PROSER3: variants seen among roughly 807,000 people sequenced by gnomAD.
PROSER3 encodes the protein proline and serine-rich protein 3.
Under a neutral mutation model 50.2 loss-of-function variants are expected in PROSER3, and 33 were observed. That is an observed-to-expected ratio of 0.66 (90% CI 0.50 to 0.88). The LOEUF is 0.88. Among genes scored for constraint, PROSER3 ranks in the 40% least tolerant of loss-of-function variants. PROSER3 has a pLI of 0.00. For missense variants in PROSER3, 623 were observed against 612.7 expected, an observed-to-expected ratio of 1.02 and a Z score of -0.18; for synonymous variants, 266 against 259.3, an observed-to-expected ratio of 1.03 and a Z score of -0.25.
chr19:35,758,522 G>C, intron 1 of PROSER3: 1 of 376,026 alleles, frequency 2.7e-6, no homozygotes, highest in Non-Finnish European at 4.7e-6. Flanking sequence ...ATGGCCCCCA[G>C]ACACGCCTGG....
exon 8 of PROSER3, chr19:35,766,812 G>C: frequency 1.3e-6 from 2 of 1,551,148 alleles, no homozygotes; most frequent in Non-Finnish European, 1.7e-6. Flanking sequence ...CCCTGCTCCA[G>C]CCCCAGCCTC....
chr19:35,758,388 C>A, intron 1 of PROSER3, 162 bp downstream of exon 1: 2 of 941,116 alleles, frequency 2.1e-6, no homozygotes, highest in South Asian at 2.1e-5. Flanking sequence ...CCTCTCCAGC[C>A]GTAGCCGTTA....
At chr19:35,759,196 C>A (rs1273206932) in intron 1 of PROSER3, 178 bp from the exon 2 acceptor site, 2 of 603,384 alleles carry the variant, frequency 3.3e-6, no homozygotes, top group Non-Finnish European at 5.8e-6. Context: ...GGGGCGGGCT[C>A]CCAGGACTCA....
intron 8 of PROSER3, chr19:35,767,602 A>T: frequency 1.6e-6 from 1 of 624,938 alleles, no homozygotes; most frequent in Non-Finnish European, 2.7e-6. Context: ...AAGTCCCTGC[A>T]GCTGGCCAGG....
In PROSER3 at chr19:35,768,252, TCC is replaced by T. The variant is rs557465750; in HGVS notation, c.1301+19_1301+20del. 8.2e-4 allele frequency: 1,317 copies of T among 1,607,964 alleles called. 10 individuals carry two copies. In the African/African-American group the frequency reaches 0.013, roughly 16 times the overall value. The stretch of plus-strand genomic sequence containing the variant: ...GGCAGAAAAGGTGACCGACCCTCCA[TCC>T]CCAGAGTCTATGACACTGGGCCCCG... On this transcript the variant is annotated intron_variant, in intron 10 of 10. Transcript: ENST00000396908.
At position 35,768,461 on chromosome 19, in the gene PROSER3, G is replaced by A; in HGVS notation, c.1359G>A (p.Trp453Ter). The A allele has an allele frequency of 6.3e-7, 1 of 1,598,188 alleles. No homozygotes were observed. Among genetic ancestry groups the A allele is most frequent in the Non-Finnish European group, 8.5e-7 (1 of 1,179,684 alleles). The change falls in exon 11 of 11, where the codon TGG (tryptophan) becomes TGA (stop). Residue 453 changes from tryptophan to a stop codon, truncating the protein, a stop_gained. Coordinates refer to ENST00000396908, the Ensembl canonical transcript of PROSER3. LOFTEE classifies it low-confidence loss of function (END_TRUNC). ...ACCAGGCTGAAGACCTGGGATCTTG[G>A]TCCCCTCCAGCCGGGTCGCCCCCTA... is the stretch of plus-strand genomic sequence containing the variant.
chr19:35,759,598 C>G, intron 2 of PROSER3, 128 bp downstream of exon 2: 1 of 1,033,764 alleles, frequency 9.7e-7, no homozygotes, highest in East Asian at 2.6e-5. Flanking sequence ...GTCCCCTCCC[C>G]ACGGCCCTGC....
exon 11 of PROSER3, chr19:35,768,447 G>C: frequency 6.3e-7 from 1 of 1,598,144 alleles, no homozygotes; most frequent in Non-Finnish European, 8.5e-7. Context: ...CCAGGCTGAA[G>C]ACCTGGGATC....
exon 11 of PROSER3, chr19:35,768,800 A>G (rs1423415877): frequency 2.8e-6 from 1 of 350,980 alleles, no homozygotes; most frequent in Non-Finnish European, 5.0e-6. Context: ...CAAGACTGGG[A>G]CCCACCTTAT....
At chr19:35,758,206 G>C (rs765385863) in exon 1 of PROSER3, 1 of 1,561,006 alleles carries the variant, frequency 6.4e-7, no homozygotes, top group African/African-American at 1.4e-5. Context: ...AGCGCGGAGG[G>C]AGCCGCGGGA....
chr19:35,771,071 C>G (rs2146652657), downstream of PROSER3: 1 of 152,230 alleles, frequency 6.6e-6, no homozygotes, highest in East Asian at 1.9e-4. Flanking sequence ...GCGGGAGGAT[C>G]ACTTGAGGCC....
intron 8 of PROSER3, 24 bp downstream of exon 8, chr19:35,766,979 TGGGG>T (rs1199463056): frequency 3.9e-6 from 6 of 1,533,606 alleles, no homozygotes; most frequent in Non-Finnish European, 5.3e-6. Context: ...GGGAGGAGCC[TGGGG>T]GGAGCTGGAG....
exon 11 of PROSER3, chr19:35,768,416 C>T (rs1444184464): frequency 6.3e-7 from 1 of 1,596,860 alleles, no homozygotes; most frequent in Non-Finnish European, 8.5e-7. Flanking sequence ...AAGCGGATGC[C>T]CGATTATCGT....
chr19:35,758,304 C>A, intron 1 of PROSER3, 78 bp downstream of exon 1: 1 of 1,497,764 alleles, frequency 6.7e-7, no homozygotes. Context: ...CTAGGACGGG[C>A]TGGATACGGT....
chr19:35,768,734 C>A, exon 11 of PROSER3: 1 of 597,374 alleles, frequency 1.7e-6, no homozygotes, highest in East Asian at 3.4e-5. Flanking sequence ...GAAACAAGAT[C>A]TCCTTTCTGG....
chr19:35,758,428 G>A (rs898069600), intron 1 of PROSER3: 3 of 542,350 alleles, frequency 5.5e-6, no homozygotes, highest in Non-Finnish European at 6.1e-6. Context: ...AGAGTCTTAT[G>A]TTCCTCTCTG....
exon 8 of PROSER3, chr19:35,766,918 C>T: frequency 6.4e-7 from 1 of 1,554,558 alleles, no homozygotes; most frequent in Non-Finnish European, 8.7e-7. Context: ...GGTGACAGAG[C>T]TTGGGTGCCG....
chr19:35,765,208 C>T, intron 7 of PROSER3, 32 bp downstream of exon 7: 1 of 1,604,048 alleles, frequency 6.2e-7, no homozygotes, highest in Non-Finnish European at 8.5e-7. Flanking sequence ...CTGAGGGCAG[C>T]CTGGGTGCAA....
Position 35,768,630 on chromosome 19 carries a change from G to A in PROSER3, c.*85G>A. The A allele has an allele frequency of 4.1e-6, 6 of 1,479,380 alleles. No homozygotes were observed. The South Asian group carries it at 8.3e-5, about 20-fold the overall frequency. The allele number at this position is 1,479,380 out of a possible 1,614,324, so 91.6% of individuals were successfully genotyped here. A position where few individuals can be genotyped will look rare whatever the true frequency, so the allele number is the denominator to read the frequency against. The stretch of plus-strand genomic sequence containing the variant: ...GTTATCTGTGAGAAAGGGGTTGTTT[G>A]GAAAGGCCAAGGGGTCATGCCAATT... On this transcript the variant is annotated 3_prime_UTR_variant, in exon 11 of 11. Coordinates refer to ENST00000396908, the Ensembl canonical transcript of PROSER3.
Sources: gnomAD v4.1 joint callset for allele counts on GRCh38, gnomAD v4.1.1 for gene constraint, MANE v1.5 for transcripts, NCBI Gene and HGNC (gene_info 2026-07-23, HGNC 2026-07-21) for gene names.